The following FAT3 variants were observed in gnomAD, a reference collection of about 807,000 sequenced individuals.
The protein encoded by FAT3 is FAT atypical cadherin 3.
FAT3 carries 95 observed loss-of-function variants against 310.2 expected under a neutral mutation model. The ratio of observed to expected loss-of-function variants is 0.31; its 90% CI spans 0.26 to 0.36. FAT3 has a LOEUF of 0.36. Among genes scored for constraint, FAT3 ranks in the 10% least tolerant of loss-of-function variants. FAT3 has a pLI of 1.00. For synonymous variants in FAT3, 2,314 were observed against 2,192.9 expected (o/e 1.06, Z -1.54); for missense variants, 5,408 against 5,715.6 (o/e 0.95, Z 1.74).
rs1047048612 is a variant in FAT3 at position 92,408,141 on chromosome 11, A to T, written c.3292+52737A>T. ...TGAGGGCTCTCCTTCTGGCTGCTAG[A>T]TGGCTGCTTTGTCCTCATGTGGCCT... is the stretch of plus-strand genomic sequence containing the variant. On this transcript the variant is annotated intron_variant, in intron 2 of 27. Coordinates refer to ENST00000525166, the MANE Select transcript of FAT3 (RefSeq NM_001367949.2). The T allele has an allele frequency of 2.0e-5, 3 of 152,268 alleles. No individual in the cohort carries two copies. In the South Asian group the frequency reaches 6.2e-4, roughly 32 times the overall value. The allele number at this position is 152,268 out of a possible 1,614,324, so 9.4% of individuals were successfully genotyped here.
At chr11:92,857,086 C>A in intron 19 of FAT3, 128 bp from the exon 20 acceptor site, 1 of 1,361,230 alleles carries the variant, frequency 7.3e-7, no homozygotes, top group Non-Finnish European at 1.0e-6. Context: ...CTTTGTGACT[C>A]AGCTCAGAGC....
chr11:92,812,711 G>A (rs1424402560), intron 13 of FAT3, among the ~76,000 whole-genome samples: 1 of 152,060 alleles, frequency 6.6e-6, no homozygotes, highest in Non-Finnish European at 1.5e-5. Context: ...CACTCAGAAG[G>A]CCCTGCAATT....
intron 2 of FAT3, among the ~76,000 whole-genome samples, chr11:92,384,083 T>C (rs2134776809): frequency 6.6e-6 from 1 of 152,274 alleles, no homozygotes; most frequent in Non-Finnish European, 1.5e-5. Flanking sequence ...CAAAGGAACA[T>C]GTGCAGACTT....
intron 13 of FAT3, among the ~76,000 whole-genome samples, chr11:92,815,293 G>T (rs1265263014): frequency 6.6e-6 from 1 of 151,736 alleles, no homozygotes; most frequent in African/African-American, 2.4e-5. Flanking sequence ...GGAGCTGGTG[G>T]GCTGGGCACG....
rs528686599 is a variant in FAT3 at position 92,507,661 on chromosome 11, CAT to C, written c.3293-16968_3293-16967del. ...GATGTGGAATATATACATATATACA[CAT>C]ATATGTACACATATGCACACATGTG... On this transcript the variant is annotated intron_variant, in intron 2 of 27. Transcript: ENST00000525166. Among the ~76,000 whole-genome samples the C allele has an allele frequency of 2.4e-4, 36 of 149,724 alleles. 1 individual carries two copies. In the South Asian group the frequency reaches 7.1e-3, roughly 29 times the overall value.
chr11:92,652,095 A>T (rs1222601190), intron 3 of FAT3, among the ~76,000 whole-genome samples: 2 of 152,096 alleles, frequency 1.3e-5, no homozygotes, highest in African/African-American at 4.8e-5. Flanking sequence ...CCCAGGAAGG[A>T]GGTATTGTTT....
At chr11:92,591,801 CA>C (rs1360013559) in intron 3 of FAT3, among the ~76,000 whole-genome samples, 1 of 152,046 alleles carries the variant, frequency 6.6e-6, no homozygotes, top group African/African-American at 2.4e-5. Context: ...CGAATTGTTG[CA>C]AAGAAAAATG....
At chr11:92,715,775 A>G (rs901442161) in intron 4 of FAT3, among the ~76,000 whole-genome samples, 1 of 151,934 alleles carries the variant, frequency 6.6e-6, no homozygotes, top group Non-Finnish European at 1.5e-5. Context: ...ACTTCACAGA[A>G]GAGGGGAGAC....
intron 2 of FAT3, among the ~76,000 whole-genome samples, chr11:92,464,943 T>C (rs1166474152): frequency 1.3e-5 from 2 of 152,220 alleles, no homozygotes; most frequent in Admixed American, 6.6e-5. Flanking sequence ...TGTCATCTTT[T>C]TGTCTGCAGA....
At chr11:92,871,038 G>A (rs1949376394) in intron 22 of FAT3, among the ~76,000 whole-genome samples, 1 of 152,198 alleles carries the variant, frequency 6.6e-6, no homozygotes, top group Admixed American at 6.5e-5. Flanking sequence ...GCTGGGTGCA[G>A]TGGCTCACAC....
rs146714452 is a variant in FAT3 at position 92,630,484 on chromosome 11, T to C, written c.3608-66900T>C. Among the ~76,000 whole-genome samples the C allele has an allele frequency of 2.8e-3, 430 of 152,322 alleles. 2 individuals carry two copies. Among genetic ancestry groups the C allele is most frequent in the African/African-American group, 9.9e-3 (411 of 41,576 alleles). On this transcript the variant is annotated intron_variant, in intron 3 of 27. Coordinates refer to ENST00000525166, the MANE Select transcript of FAT3 (RefSeq NM_001367949.2). Reference sequence around the variant, plus strand: ...CATAGATATCTCTGTGTGCTGAGTATATGTGTGTCTGGATGCCCTGTCAGC... The same window carrying C: ...CATAGATATCTCTGTGTGCTGAGTACATGTGTGTCTGGATGCCCTGTCAGC...
rs143044092 is a variant in FAT3 at position 92,848,422 on chromosome 11, T to C, written c.11365+3690T>C. ...AAAGACTGACACCAACTTAAATTAA[T>C]TGAGGATGATAGATGTCCTCGAGCC... On this transcript the variant is annotated intron_variant, in intron 19 of 27. Transcript: ENST00000525166. Among the ~76,000 whole-genome samples, 687 of 152,288 alleles carry C rather than the reference T, an allele frequency of 4.5e-3. 6 individuals are homozygous for C. The highest frequency in any genetic ancestry group is 6.5e-3 in the South Asian group (31 of 4,806).
intron 3 of FAT3, among the ~76,000 whole-genome samples, chr11:92,540,437 T>A (rs1041247593): frequency 1.3e-5 from 2 of 152,190 alleles, no homozygotes; most frequent in African/African-American, 4.8e-5. Flanking sequence ...TCTGGCCCAC[T>A]TTTATTAAAG....
At chr11:92,356,663 C>A (rs943014699) in intron 2 of FAT3, among the ~76,000 whole-genome samples, 3 of 152,142 alleles carry the variant, frequency 2.0e-5, no homozygotes, top group African/African-American at 7.2e-5. Context: ...TCATCAAAAC[C>A]TAACTTCCTC....
chr11:92,836,853 AG>A (rs776860769), intron 16 of FAT3, 150 bp downstream of exon 16: 29 of 897,800 alleles, frequency 3.2e-5, no homozygotes, highest in Non-Finnish European at 4.6e-5. Flanking sequence ...ATGAAATATT[AG>A]GGTTAGACCT....
chr11:92,799,198 A>G lies in FAT3; in HGVS notation c.6185A>G (p.His2062Arg). The G allele has an allele frequency of 1.2e-6, 2 of 1,613,988 alleles. No individual in the cohort carries two copies. The highest frequency in any genetic ancestry group is 2.2e-5 in the South Asian group (2 of 91,084). The change falls in exon 10 of 28, where the codon CAT becomes CGT. Residue 2062 changes from histidine (H) to arginine (R), a missense_variant. Around this residue, in one of 5 missense-constraint regions of FAT3, gnomAD observed 4,588 missense variants for 4,809.8 expected, o/e 0.95. Coordinates refer to ENST00000525166, the MANE Select transcript of FAT3 (RefSeq NM_001367949.2). ...LVVEASRELDHLRVARVVVRV... is the reference protein window; with the variant it reads ...LVVEASRELDRLRVARVVVRV... The stretch of plus-strand genomic sequence containing the variant: ...GTAGAAGCCAGCCGTGAGCTGGACC[A>G]TCTGCGTGTGGCCAGAGTGGTGGTC...
intron 13 of FAT3, among the ~76,000 whole-genome samples, chr11:92,818,384 G>C (rs1032536327): frequency 2.0e-5 from 3 of 152,160 alleles, no homozygotes; most frequent in Non-Finnish European, 4.4e-5. Context: ...GTGGGACAGA[G>C]AGAAGGGGCA....
intron 3 of FAT3, among the ~76,000 whole-genome samples, chr11:92,694,007 A>G (rs1943868409): frequency 1.3e-5 from 2 of 152,196 alleles, no homozygotes; most frequent in East Asian, 1.9e-4. Flanking sequence ...TTAAAACCTT[A>G]AAGTCAGGGT....
chr11:92,245,619 A>T (rs2134263452), intron 1 of FAT3, among the ~76,000 whole-genome samples: 1 of 152,302 alleles, frequency 6.6e-6, no homozygotes, highest in African/African-American at 2.4e-5. Context: ...AGGATCAGAC[A>T]GTAAATATTT....
Sources: allele counts gnomAD v4.1 joint callset (sites outside exome capture counted in the v4.1 genomes callset), GRCh38; gene constraint gnomAD v4.1.1; regional missense constraint gnomAD v4.1.1; transcripts MANE v1.5; gene names NCBI Gene and HGNC (gene_info 2026-07-23, HGNC 2026-07-21).